DDR2: variants seen among roughly 807,000 people sequenced by gnomAD.
DDR2 encodes the protein discoidin domain receptor tyrosine kinase 2, also known as discoidin domain-containing receptor 2.
DDR2 carries 27 observed loss-of-function variants against 94.9 expected under a neutral mutation model. The ratio of observed to expected loss-of-function variants is 0.28; its 90% CI spans 0.21 to 0.39. The LOEUF (loss-of-function observed/expected upper bound fraction) is 0.39. Ranked by LOEUF, DDR2 falls within the 10% of genes least tolerant of loss-of-function variation. The probability of loss-of-function intolerance (pLI) is 1.00; values close to 1 mark genes in which losing one functional copy is unlikely to be tolerated. For missense variants in DDR2, 783 were observed against 1,076.0 expected, an observed-to-expected ratio of 0.73 and a Z score of 3.81; for synonymous variants, 382 against 377.2, an observed-to-expected ratio of 1.01 and a Z score of -0.15.
chr1:162,655,611 A>G (rs896143283), intron 2 of DDR2, among the ~76,000 whole-genome samples: 1 of 152,200 alleles, frequency 6.6e-6, no homozygotes, highest in Non-Finnish European at 1.5e-5. Context: ...CCAGCCCTAG[A>G]TTAGAGGGCA....
intron 1 of DDR2, among the ~76,000 whole-genome samples, chr1:162,639,467 A>C (rs1657013869): frequency 6.6e-6 from 1 of 152,244 alleles, no homozygotes; most frequent in Non-Finnish European, 1.5e-5. Context: ...TATAAACCTT[A>C]CATCCTTCAC....
At chr1:162,647,766 C>T (rs910271626) in intron 1 of DDR2, among the ~76,000 whole-genome samples, 1 of 152,152 alleles carries the variant, frequency 6.6e-6, no homozygotes, top group Non-Finnish European at 1.5e-5. Flanking sequence ...TTATAATTAG[C>T]GTCTAATGAG....
chr1:162,746,409 C>T (rs891119324), intron 3 of DDR2, among the ~76,000 whole-genome samples: 9 of 152,176 alleles, frequency 5.9e-5, no homozygotes, highest in South Asian at 4.1e-4. Flanking sequence ...AAGGTGGCAG[C>T]GAGGCTGGGG....
At chr1:162,671,982 A>G (rs181419345) in intron 2 of DDR2, among the ~76,000 whole-genome samples, 18 of 152,098 alleles carry the variant, frequency 1.2e-4, no homozygotes, top group Non-Finnish European at 1.3e-4. Flanking sequence ...TGTCTTGGTC[A>G]CTTTTCTGGG....
intron 2 of DDR2, among the ~76,000 whole-genome samples, chr1:162,717,475 T>C (rs1245497909): frequency 6.6e-6 from 1 of 152,246 alleles, no homozygotes; most frequent in East Asian, 1.9e-4. Context: ...CTGATATAGA[T>C]ACATTATTAT....
intron 1 of DDR2, among the ~76,000 whole-genome samples, chr1:162,637,352 C>CA (rs1489831736): frequency 6.6e-6 from 1 of 151,976 alleles, no homozygotes; most frequent in Non-Finnish European, 1.5e-5. Flanking sequence ...TTCAGTGGAG[C>CA]AGGTGTTATG....
At chr1:162,773,685 T>C in intron 14 of DDR2, 89 bp downstream of exon 14, 2 of 1,575,820 alleles carry the variant, frequency 1.3e-6, no homozygotes, top group Non-Finnish European at 1.7e-6. Context: ...ATTTTTTCTT[T>C]TGAGATGGGA....
chr1:162,718,890 T>C (rs1213489554), intron 2 of DDR2, 147 bp from the exon 3 acceptor site: 12 of 732,798 alleles, frequency 1.6e-5, no homozygotes, highest in Non-Finnish European at 2.1e-5. Context: ...TCCCAAAGTC[T>C]GTGATTCGAA....
chr1:162,719,136 G>C lies in DDR2; in HGVS notation c.73G>C (p.Val25Leu). 6.2e-7 allele frequency: 1 copy of C among 1,613,726 alleles called. No homozygotes were observed. Among genetic ancestry groups the C allele is most frequent in the Non-Finnish European group, 8.5e-7 (1 of 1,179,750 alleles). Residue 25 changes from valine (V) to leucine (L), a missense_variant, in exon 3 of 18, where the codon GTT becomes CTT. This residue lies in a region of DDR2 where 519 missense variants were observed against 647.9 expected (regional missense o/e 0.80). Transcript: ENST00000367921. ...TATCTTGAGTTCTGCAAAAGCTCAG[G>C]TTAATCCAGGTAACATGGCTATTAC... ...LPILSSAKAQ[V>L]NPAICRYPLG...
chr1:162,675,069 A>G (rs1659063455), intron 2 of DDR2, among the ~76,000 whole-genome samples: 1 of 152,050 alleles, frequency 6.6e-6, no homozygotes, highest in South Asian at 2.1e-4. Flanking sequence ...GAGGCAGGAG[A>G]ATGCTTGGAC....
intron 3 of DDR2, among the ~76,000 whole-genome samples, chr1:162,730,473 A>G (rs1661986385): frequency 6.6e-6 from 1 of 152,154 alleles, no homozygotes; most frequent in African/African-American, 2.4e-5. Flanking sequence ...TCAAGGGAGG[A>G]AGTCAGATTC....
chr1:162,749,284 GA>G (rs1663054819), intron 3 of DDR2, among the ~76,000 whole-genome samples: 1 of 151,916 alleles, frequency 6.6e-6, no homozygotes, highest in Admixed American at 6.6e-5. Context: ...AGAAAGGAGA[GA>G]AGAATCAAAT....
chr1:162,706,793 A>G (rs16843693), intron 2 of DDR2, among the ~76,000 whole-genome samples: 7,072 of 152,232 alleles, frequency 0.046, 269 homozygotes, highest in East Asian at 0.19. Flanking sequence ...GATGGAGCCT[A>G]TAGGTGTTTA....
At chr1:162,689,962 G>A (rs563089245) in intron 2 of DDR2, among the ~76,000 whole-genome samples, 17 of 149,772 alleles carry the variant, frequency 1.1e-4, no homozygotes, top group African/African-American at 4.2e-4. Flanking sequence ...ATTGCAGTAA[G>A]CTGAGATCAT....
chr1:162,680,203 GCC>G (rs1659335710), intron 2 of DDR2, among the ~76,000 whole-genome samples: 1 of 152,054 alleles, frequency 6.6e-6, no homozygotes, highest in Admixed American at 6.6e-5. Context: ...CGAAATCTTT[GCC>G]AAGTCCTATG....
At chr1:162,764,888 T>C (rs1476430896) in intron 9 of DDR2, among the ~76,000 whole-genome samples, 1 of 151,886 alleles carries the variant, frequency 6.6e-6, no homozygotes, top group Non-Finnish European at 1.5e-5. Flanking sequence ...TCAGATTTGA[T>C]TTTTAAGGGA....
chr1:162,664,157 A>G (rs1658434933), intron 2 of DDR2, among the ~76,000 whole-genome samples: 1 of 152,262 alleles, frequency 6.6e-6, no homozygotes, highest in Admixed American at 6.5e-5. Flanking sequence ...CTACAAACTA[A>G]TTTTATGAAG....
intron 2 of DDR2, among the ~76,000 whole-genome samples, chr1:162,661,068 A>G (rs1042298528): frequency 7.9e-5 from 12 of 152,210 alleles, no homozygotes; most frequent in African/African-American, 2.7e-4. Flanking sequence ...CTATTCATAG[A>G]GAAGCTGAAC....
intron 2 of DDR2, among the ~76,000 whole-genome samples, chr1:162,703,239 G>A (rs1008600591): frequency 1.4e-4 from 22 of 152,164 alleles, no homozygotes; most frequent in African/African-American, 4.3e-4. Flanking sequence ...TGAGATAAAC[G>A]TATTATATTT....
Sources: allele counts gnomAD v4.1 joint callset (sites outside exome capture counted in the v4.1 genomes callset), GRCh38; gene constraint gnomAD v4.1.1; regional missense constraint gnomAD v4.1.1; transcripts MANE v1.5; gene names NCBI Gene and HGNC (gene_info 2026-07-23, HGNC 2026-07-21).